Variants in C3orf62 observed in about 807,000 individuals in gnomAD.
The protein encoded by C3orf62 is uncharacterized protein C3orf62.
C3orf62 carries 16 observed loss-of-function variants against 21.7 expected under a neutral mutation model. The ratio of observed to expected loss-of-function variants is 0.74; its 90% CI spans 0.50 to 1.12. The LOEUF is 1.12. Ranked by LOEUF, C3orf62 falls within the 50% of genes most tolerant of loss-of-function variation. The pLI is 0.00. For synonymous variants in C3orf62, 114 were observed against 117.0 expected, an observed-to-expected ratio of 0.97 and a Z score of 0.17; for missense variants, 310 against 318.8, an observed-to-expected ratio of 0.97 and a Z score of 0.21.
At chr3:49,275,261 G>A (rs1014280033) in intron 1 of C3orf62, among the ~76,000 whole-genome samples, 4 of 149,812 alleles carry the variant, frequency 2.7e-5, no homozygotes, top group Non-Finnish European at 4.5e-5. Context: ...TCATAGGCGC[G>A]CGCCACCACG....
rs1553621994 is a variant in C3orf62 at position 49,275,527 on chromosome 3, T to TTTG, written c.446+899_446+900insCAA. Reference sequence around the variant, plus strand: ...GATGGCAGAACTTTGAAGTTTTTTTTTTTTTTTTTTTTTTTTTTTTTGATA... The same window carrying TTTG: ...GATGGCAGAACTTTGAAGTTTTTTTTTTGTTTTTTTTTTTTTTTTTTTTTGATA... On this transcript the variant is annotated intron_variant, in intron 1 of 2. Transcript: ENST00000343010. Among the ~76,000 whole-genome samples, 11 of 91,058 alleles carry TTTG rather than the reference T, an allele frequency of 1.2e-4. No individual in the cohort carries two copies. In the South Asian group the frequency reaches 1.6e-3, roughly 13 times the overall value. The allele number at this position is 91,058 out of a possible 152,430, so 59.7% of individuals were successfully genotyped here.
chr3:49,277,159 A>G lies in C3orf62; in HGVS notation c.-287T>C. ...CCCTACCGGCACCCCCCCTTTGGCGAGTCGGCAGCCACGTCCTTGTCCTCA... is the reference window on the plus strand; with the variant it reads ...CCCTACCGGCACCCCCCCTTTGGCGGGTCGGCAGCCACGTCCTTGTCCTCA... On this transcript the variant is annotated 5_prime_UTR_variant, in exon 1 of 3. Coordinates refer to ENST00000343010, the MANE Select transcript of C3orf62 (RefSeq NM_198562.3). 1 of 1,416,912 alleles carries G rather than the reference A, an allele frequency of 7.1e-7. No homozygotes were observed. The highest frequency in any genetic ancestry group is 9.3e-7 in the Non-Finnish European group (1 of 1,070,718). The allele number at this position is 1,416,912 out of a possible 1,614,324, so 87.8% of individuals were successfully genotyped here.
chr3:49,275,651 C>T (rs1258739823), intron 1 of C3orf62, among the ~76,000 whole-genome samples: 30 of 147,904 alleles, frequency 2.0e-4, no homozygotes, highest in African/African-American at 5.3e-4. Context: ...CTGCCTCAGC[C>T]TCCCGAGTAG....
At position 49,276,885 on chromosome 3, in the gene C3orf62, GGAC is replaced by G; in HGVS notation, c.-16_-14del. 6.3e-7 allele frequency: 1 copy of G among 1,598,938 alleles called. No homozygotes were observed. Among genetic ancestry groups the G allele is most frequent in the Non-Finnish European group, 8.5e-7 (1 of 1,172,986 alleles). The stretch of plus-strand genomic sequence containing the variant: ...TTATGTAATGCATTGGAAATGCACA[GGAC>G]AACACAATAATGTTACAAATGAGGC... On this transcript the variant is annotated 5_prime_UTR_variant, in exon 1 of 3. Transcript: ENST00000343010.
In C3orf62 at chr3:49,270,636, C is replaced by T. The variant is rs1328487493; in HGVS notation, c.*544G>A. 1.3e-5 allele frequency: 2 copies of T among 152,798 alleles called. No individual in the cohort carries two copies. The highest frequency in any genetic ancestry group is 2.9e-5 in the Non-Finnish European group (2 of 68,552). 9.5% of individuals were successfully genotyped at this position (152,798 alleles called of 1,614,324 possible). A position where few individuals can be genotyped will look rare whatever the true frequency, so the allele number is the denominator to read the frequency against. Reference sequence around the variant, plus strand: ...CCTCCAGGTTCAAGCAATTCTCCTACCTCAGCCTCCAAAGTAGCTGGGACT... The same window carrying T: ...CCTCCAGGTTCAAGCAATTCTCCTATCTCAGCCTCCAAAGTAGCTGGGACT... On this transcript the variant is annotated 3_prime_UTR_variant, in exon 3 of 3. Coordinates refer to ENST00000343010, the MANE Select transcript of C3orf62 (RefSeq NM_198562.3).
chr3:49,272,923 T>G (rs575867174), intron 2 of C3orf62, among the ~76,000 whole-genome samples: 18 of 152,148 alleles, frequency 1.2e-4, no homozygotes, highest in Non-Finnish European at 2.2e-4. Flanking sequence ...TCCTGTTTCC[T>G]AAAAATTTAA....
chr3:49,275,877 G>A (rs1192370954), intron 1 of C3orf62, among the ~76,000 whole-genome samples: 1 of 151,986 alleles, frequency 6.6e-6, no homozygotes, highest in Non-Finnish European at 1.5e-5. Flanking sequence ...CAAGGTGCCT[G>A]GGACCAGGCA....
At chr3:49,275,992 G>A (rs1420078642) in intron 1 of C3orf62, among the ~76,000 whole-genome samples, 1 of 152,122 alleles carries the variant, frequency 6.6e-6, no homozygotes, top group Non-Finnish European at 1.5e-5. Flanking sequence ...AAGCCAGGAA[G>A]TAGGGCCCAG....
In C3orf62 at chr3:49,270,360, TTTTC is replaced by T. The variant is rs2046905902; in HGVS notation, c.*816_*819del. The T allele has an allele frequency of 6.6e-6, 1 of 152,406 alleles. No individual in the cohort carries two copies. The highest frequency in any genetic ancestry group is 1.5e-5 in the Non-Finnish European group (1 of 68,322). The allele number at this position is 152,406 out of a possible 1,614,324, so 9.4% of individuals were successfully genotyped here. ...ATTCAGTTTCCTTTCTTCCCTTTTTTTTTCTTTTTTTTTTTGAGACAGGGTCTCA... is the reference window on the plus strand; with the variant it reads ...ATTCAGTTTCCTTTCTTCCCTTTTTTTTTTTTTTTTTGAGACAGGGTCTCA... On this transcript the variant is annotated 3_prime_UTR_variant, in exon 3 of 3. Coordinates refer to ENST00000343010, the MANE Select transcript of C3orf62 (RefSeq NM_198562.3).
chr3:49,270,769 C>G lies in C3orf62; in HGVS notation c.*411G>C, dbSNP rs1163322847. 6.2e-6 allele frequency: 1 copy of G among 162,296 alleles called. No individual in the cohort carries two copies. Among genetic ancestry groups the G allele is most frequent in the African/African-American group, 2.4e-5 (1 of 41,552 alleles). 10.1% of individuals were successfully genotyped at this position (162,296 alleles called of 1,614,324 possible). A position where few individuals can be genotyped will look rare whatever the true frequency, so the allele number is the denominator to read the frequency against. ...AACTCCTAACCTCAAGTGATCCACT[C>G]GCCTTGGCCTCCCAAAGTGCTGGGA... On this transcript the variant is annotated 3_prime_UTR_variant, in exon 3 of 3. Transcript: ENST00000343010.
chr3:49,276,481 C>G lies in C3orf62; in HGVS notation c.392G>C (p.Arg131Thr), dbSNP rs2046961173. ...CTCTCCTGCAGTTCTCCAAGACTCT[C>G]TTTCAGGTGCCAAAATGGAGGAATG... ...LMHSSILAPE[R>T]ESWRTAGEGE... The change falls in exon 1 of 3, where the codon AGA becomes ACA. Residue 131 changes from arginine to threonine, a missense_variant. Coordinates refer to ENST00000343010, the MANE Select transcript of C3orf62 (RefSeq NM_198562.3). 1 of 1,614,062 alleles carries G rather than the reference C, an allele frequency of 6.2e-7. No homozygotes were observed. Among genetic ancestry groups the G allele is most frequent in the African/African-American group, 1.3e-5 (1 of 74,946 alleles).
intron 1 of C3orf62, among the ~76,000 whole-genome samples, chr3:49,275,519 GTTTTTTTTTTTTTTT>G (rs59375945): frequency 4.3e-5 from 3 of 69,292 alleles, no homozygotes; most frequent in Non-Finnish European, 7.5e-5. Flanking sequence ...GAACTTTGAA[GTTTTTTTTTTTTTTT>G]TTTTTTTTTT....
rs148849582 is a variant in C3orf62, at chr3:49,276,460, C to T, written c.413G>A (p.Gly138Glu). 4.7e-4 allele frequency: 763 copies of T among 1,613,064 alleles called. 8 individuals carry two copies. In the East Asian group the frequency reaches 0.013, roughly 27 times the overall value. ...TTCTTTTCTCCAGTTTTCCCCCTCT[C>T]CTGCAGTTCTCCAAGACTCTCTTTC... is the stretch of plus-strand genomic sequence containing the variant. The part of the protein sequence containing the change: ...APERESWRTA[G>E]EGENWRKENL... The change falls in exon 1 of 3, where the codon GGA becomes GAA. Residue 138 changes from glycine (G) to glutamate (E), a missense_variant. Physicochemically the swap from Gly to Glu is moderately conservative, Grantham distance 98. Coordinates refer to ENST00000343010, the MANE Select transcript of C3orf62 (RefSeq NM_198562.3).
chr3:49,271,367 T>A lies in C3orf62; in HGVS notation c.617A>T (p.His206Leu). The change falls in exon 3 of 3, where the codon CAT becomes CTT. Residue 206 changes from histidine (H) to leucine (L), a missense_variant. Physicochemically the swap from His to Leu is moderately conservative, Grantham distance 99. Coordinates refer to ENST00000343010, the MANE Select transcript of C3orf62 (RefSeq NM_198562.3). The stretch of plus-strand genomic sequence containing the variant: ...CTCTTTGAAGGGTGAATCTTGGCAA[T>A]GACCACACATGTGGTTCAATTCGTT... ...FENELNHMCG[H>L]CQDSPFKEEA... The A allele has an allele frequency of 6.2e-7, 1 of 1,614,208 alleles. No individual in the cohort carries two copies. The highest frequency in any genetic ancestry group is 1.1e-5 in the South Asian group (1 of 91,084).
intron 1 of C3orf62, among the ~76,000 whole-genome samples, chr3:49,275,530 T>TTG (rs2046949241): frequency 8.8e-6 from 1 of 114,248 alleles, no homozygotes; most frequent in South Asian, 3.3e-4. Context: ...TTTTTTTTTT[T>TTG]TTTTTTTTTT....
chr3:49,271,188 T>C lies in C3orf62; in HGVS notation c.796A>G (p.Ile266Val), dbSNP rs567063339. Residue 266 changes from isoleucine to valine, a missense_variant, in exon 3 of 3, where the codon ATT becomes GTT. By Grantham distance (29) the Ile-to-Val change is conservative (BLOSUM62 3). Coordinates refer to ENST00000343010, the MANE Select transcript of C3orf62 (RefSeq NM_198562.3). ...YNVMTSFKYQ[I>V]E Reference sequence around the variant, plus strand: ...AGCTTAGATAACTGTCCTTACTCAATTTGGTATTTAAAAGACGTCATCACA... The same window carrying C: ...AGCTTAGATAACTGTCCTTACTCAACTTGGTATTTAAAAGACGTCATCACA... 1 of 1,611,918 alleles carries C rather than the reference T, an allele frequency of 6.2e-7. No individual in the cohort carries two copies. The highest frequency in any genetic ancestry group is 2.2e-5 in the East Asian group (1 of 44,842).
rs2046899753 is a variant in C3orf62 at position 49,269,307 on chromosome 3, T to C, written c.*1873A>G. On this transcript the variant is annotated 3_prime_UTR_variant, in exon 3 of 3. Coordinates refer to ENST00000343010, the MANE Select transcript of C3orf62 (RefSeq NM_198562.3). ...CCTACTTTAGTCGTGGGAAGTATCA[T>C]TAAGTCTAGTTCACCTTCAAAGGGT... is the stretch of plus-strand genomic sequence containing the variant. The C allele has an allele frequency of 6.6e-6, 1 of 152,198 alleles. No homozygotes were observed. Among genetic ancestry groups the C allele is most frequent in the Non-Finnish European group, 1.5e-5 (1 of 68,042 alleles). The allele number at this position is 152,198 out of a possible 1,614,324, so 9.4% of individuals were successfully genotyped here. A position where few individuals can be genotyped will look rare whatever the true frequency, so the allele number is the denominator to read the frequency against.
Position 49,269,526 on chromosome 3 carries a change from G to T in C3orf62, c.*1654C>A, listed in dbSNP as rs1289963881. 1 of 152,242 alleles carries T rather than the reference G, an allele frequency of 6.6e-6. No homozygotes were observed. Among genetic ancestry groups the T allele is most frequent in the Non-Finnish European group, 1.5e-5 (1 of 68,052 alleles). 9.4% of individuals were successfully genotyped at this position (152,242 alleles called of 1,614,324 possible). ...GAGCAGGGGCAGTTGAGCATACTGTGAGCACTTTTCATTTGCTTCCATTCT... is the reference window on the plus strand; with the variant it reads ...GAGCAGGGGCAGTTGAGCATACTGTTAGCACTTTTCATTTGCTTCCATTCT... On this transcript the variant is annotated 3_prime_UTR_variant, in exon 3 of 3. Coordinates refer to ENST00000343010, the MANE Select transcript of C3orf62 (RefSeq NM_198562.3).
Position 49,277,129 on chromosome 3 carries a change from G to A in C3orf62, c.-257C>T, listed in dbSNP as rs957858513. Reference sequence around the variant, plus strand: ...CCCGCCCCACCGCGGCTCCCAGGCCGCTGGCCCTACCGGCACCCCCCCTTT... The same window carrying A: ...CCCGCCCCACCGCGGCTCCCAGGCCACTGGCCCTACCGGCACCCCCCCTTT... On this transcript the variant is annotated 5_prime_UTR_variant, in exon 1 of 3. Coordinates refer to ENST00000343010, the MANE Select transcript of C3orf62 (RefSeq NM_198562.3). 3 of 1,466,316 alleles carry A rather than the reference G, an allele frequency of 2.0e-6. No homozygotes were observed. Among genetic ancestry groups the A allele is most frequent in the Admixed American group, 2.1e-5 (1 of 48,672 alleles). The allele number at this position is 1,466,316 out of a possible 1,614,324, so 90.8% of individuals were successfully genotyped here.
Sources: gnomAD v4.1 joint callset for allele counts (sites outside exome capture counted in the v4.1 genomes callset) on GRCh38, gnomAD v4.1.1 for gene constraint, MANE v1.5 for transcripts, NCBI Gene and HGNC (gene_info 2026-07-23, HGNC 2026-07-21) for gene names.